DSE: variants seen among roughly 807,000 people sequenced by gnomAD.
DSE encodes dermatan-sulfate epimerase.
DSE carries 36 observed loss-of-function variants against 84.4 expected under a neutral mutation model. The ratio of observed to expected loss-of-function variants is 0.43; its 90% CI spans 0.33 to 0.56. The LOEUF (loss-of-function observed/expected upper bound fraction) is 0.56. DSE is among the 20% of genes least tolerant of loss of function. The pLI is 0.06. For synonymous variants in DSE, 410 were observed against 430.1 expected, an observed-to-expected ratio of 0.95 and a Z score of 0.58; for missense variants, 862 against 1,169.6, an observed-to-expected ratio of 0.74 and a Z score of 3.84.
intron 1 of DSE, among the ~76,000 whole-genome samples, chr6:116,386,019 C>T (rs887642512): frequency 3.3e-5 from 5 of 152,126 alleles, no homozygotes; most frequent in Admixed American, 1.3e-4. Flanking sequence ...AATTACTTTC[C>T]AATGAACTTC....
intron 3 of DSE, among the ~76,000 whole-genome samples, chr6:116,429,572 T>G (rs980229393): frequency 1.2e-4 from 18 of 152,100 alleles, no homozygotes; most frequent in African/African-American, 4.1e-4. Flanking sequence ...GTTTCTGTTT[T>G]GGGGCAATGA....
In DSE at chr6:116,370,986, A is replaced by G. The variant is rs996296359; in HGVS notation, c.-189A>G. The G allele has an allele frequency of 1.7e-5, 17 of 984,914 alleles. No homozygotes were observed. The highest frequency in any genetic ancestry group is 5.3e-5 in the African/African-American group (3 of 57,026). The allele number at this position is 984,914 out of a possible 1,614,324, so 61.0% of individuals were successfully genotyped here. A position where few individuals can be genotyped will look rare whatever the true frequency, so the allele number is the denominator to read the frequency against. On this transcript the variant is annotated 5_prime_UTR_variant, in exon 1 of 6. It removes an upstream start codon present in the reference 5' UTR. Coordinates refer to ENST00000644252, the MANE Select transcript of DSE (RefSeq NM_013352.4). Reference sequence around the variant, plus strand: ...AGGCTGCAGCAGCGCATCCCGGGGCATGGCGCGGCGGGGGCGCGGAGGGCT... The same window carrying G: ...AGGCTGCAGCAGCGCATCCCGGGGCGTGGCGCGGCGGGGGCGCGGAGGGCT...
intron 2 of DSE, among the ~76,000 whole-genome samples, chr6:116,316,312 A>G (rs1482415330): frequency 1.3e-5 from 2 of 152,102 alleles, no homozygotes; most frequent in East Asian, 1.9e-4. Context: ...ATCTTTCTAT[A>G]ATGATTTTCC....
intron 1 of DSE, among the ~76,000 whole-genome samples, chr6:116,371,991 G>A (rs980462029): frequency 1.3e-5 from 2 of 152,232 alleles, no homozygotes; most frequent in South Asian, 4.1e-4. Flanking sequence ...GTCAGGCAAT[G>A]ACGCTTTTAG....
At chr6:116,396,039 C>CT (rs1781231913) in intron 1 of DSE, among the ~76,000 whole-genome samples, 1 of 152,134 alleles carries the variant, frequency 6.6e-6, no homozygotes, top group Non-Finnish European at 1.5e-5. Flanking sequence ...CCTAGAGGGA[C>CT]TTTTTTTCTG....
rs1314420643 is a variant in DSE at position 116,443,736 on chromosome 6, ACATT to A, written c.*6394_*6397del. ...TTTCTTAAGAAAAGAGCTTCTAAAA[ACATT>A]CAGTCAGCCCAGCACATTCCAAATT... On this transcript the variant is annotated 3_prime_UTR_variant, in exon 6 of 6. Coordinates refer to ENST00000644252, the MANE Select transcript of DSE (RefSeq NM_013352.4). 6.6e-6 allele frequency: 1 copy of A among 152,208 alleles called. No homozygotes were observed. The highest frequency in any genetic ancestry group is 1.5e-5 in the Non-Finnish European group (1 of 68,044). The allele number at this position is 152,208 out of a possible 1,614,324, so 9.4% of individuals were successfully genotyped here. A position where few individuals can be genotyped will look rare whatever the true frequency, so the allele number is the denominator to read the frequency against.
At chr6:116,333,638 A>G (rs1269889988) in intron 2 of DSE, among the ~76,000 whole-genome samples, 1 of 152,202 alleles carries the variant, frequency 6.6e-6, no homozygotes, top group East Asian at 1.9e-4. Context: ...CTTCAGAAAG[A>G]GAAAGATTTT....
intron 5 of DSE, among the ~76,000 whole-genome samples, chr6:116,434,753 G>A (rs1429496104): frequency 6.6e-5 from 10 of 152,278 alleles, no homozygotes. Context: ...AATTTCTGAT[G>A]TCTTGAAACT....
chr6:116,416,059 T>C (rs1782685147), intron 2 of DSE, among the ~76,000 whole-genome samples: 1 of 152,184 alleles, frequency 6.6e-6, no homozygotes, highest in Non-Finnish European at 1.5e-5. Flanking sequence ...TTCACATATA[T>C]TCCTTTGCTT....
At chr6:116,316,472 AT>A (rs1775982301) in intron 2 of DSE, among the ~76,000 whole-genome samples, 1 of 152,142 alleles carries the variant, frequency 6.6e-6, no homozygotes, top group African/African-American at 2.4e-5. Context: ...CCTTTCAGAC[AT>A]TGGTATTTAA....
At chr6:116,271,292 C>A (rs765988961) in intron 2 of DSE, among the ~76,000 whole-genome samples, 1 of 152,180 alleles carries the variant, frequency 6.6e-6, no homozygotes, top group Non-Finnish European at 1.5e-5. Flanking sequence ...AGTTCTGTTT[C>A]AGTAGCTCAT....
At chr6:116,325,350 G>A (rs185744560) in intron 2 of DSE, among the ~76,000 whole-genome samples, 4 of 152,322 alleles carry the variant, frequency 2.6e-5, no homozygotes, top group African/African-American at 7.2e-5. Flanking sequence ...ACTCCAGGAT[G>A]AGTACTGCAT....
At chr6:116,404,529 A>G (rs954442955) in intron 2 of DSE, among the ~76,000 whole-genome samples, 3 of 152,232 alleles carry the variant, frequency 2.0e-5, no homozygotes, top group Non-Finnish European at 4.4e-5. Flanking sequence ...TGTTAGCCAC[A>G]TGTCCTTTGA....
intron 2 of DSE, among the ~76,000 whole-genome samples, chr6:116,269,410 T>A (rs1358419052): frequency 6.6e-6 from 1 of 152,186 alleles, no homozygotes; most frequent in Non-Finnish European, 1.5e-5. Flanking sequence ...GTAGGCAGTA[T>A]AAAATCAATG....
Position 116,306,822 on chromosome 6 carries a change from G to A in DSE, c.-54+47855G>A, listed in dbSNP as rs76138980. On this transcript the variant is annotated intron_variant, in intron 2 of 3. Transcript: ENST00000430252. ...TAATGATGGGATTTGTGCCCTAAGAGCTCTCTTTGCCTTGGGAAGATACAA... is the reference window on the plus strand; with the variant it reads ...TAATGATGGGATTTGTGCCCTAAGAACTCTCTTTGCCTTGGGAAGATACAA... Among the ~76,000 whole-genome samples the A allele has an allele frequency of 3.9e-3, 591 of 152,240 alleles. 10 individuals carry two copies. In the East Asian group the frequency reaches 0.043, roughly 11 times the overall value.
intron 2 of DSE, among the ~76,000 whole-genome samples, chr6:116,425,209 T>C (rs928526473): frequency 8.5e-5 from 13 of 152,264 alleles, no homozygotes; most frequent in African/African-American, 2.7e-4. Context: ...GTATTGATAA[T>C]TATATTTCAA....
rs538590884 is a variant in DSE at position 116,308,941 on chromosome 6, G to A, written c.-54+49974G>A. On this transcript the variant is annotated intron_variant, in intron 2 of 3. Coordinates refer to the DSE transcript ENST00000430252. ...AACGGTATATAAATTATGAGTTACC[G>A]TGCCTTGAGCATAATAGATACTCAT... Among the ~76,000 whole-genome samples the A allele has an allele frequency of 1.9e-4, 29 of 152,170 alleles. No individual in the cohort carries two copies. The South Asian group carries it at 3.7e-3, about 20-fold the overall frequency.
At chr6:116,281,546 G>C (rs1485913097) in intron 2 of DSE, among the ~76,000 whole-genome samples, 1 of 152,146 alleles carries the variant, frequency 6.6e-6, no homozygotes, top group Non-Finnish European at 1.5e-5. Flanking sequence ...ATTACAGCTT[G>C]AATCTGTCTT....
intron 2 of DSE, among the ~76,000 whole-genome samples, chr6:116,356,944 CT>C (rs1778609087): frequency 6.6e-6 from 1 of 152,202 alleles, no homozygotes. Context: ...TAGTCATGCC[CT>C]TAAGCAGATG....
Sources: allele counts gnomAD v4.1 joint callset (sites outside exome capture counted in the v4.1 genomes callset), GRCh38; gene constraint gnomAD v4.1.1; transcripts MANE v1.5; gene names NCBI Gene and HGNC (gene_info 2026-07-23, HGNC 2026-07-21).